HSPG2: variants seen among roughly 807,000 people sequenced by gnomAD.
HSPG2 encodes heparan sulfate proteoglycan 2.
A neutral mutation model predicts 526.6 loss-of-function variants in HSPG2; 278 were observed. The observed-to-expected ratio is 0.53, with a 90% CI of 0.48 to 0.58. The LOEUF (loss-of-function observed/expected upper bound fraction) is 0.58, where lower values mean the gene tolerates loss of function less well. HSPG2 is among the 20% of genes least tolerant of loss of function. HSPG2 has a pLI of 0.00. For missense variants in HSPG2, 5,354 were observed against 6,099.5 expected (o/e 0.88, Z 4.07); for synonymous variants, 2,465 against 2,555.4 (o/e 0.96, Z 1.07).
rs556035566 is a variant in HSPG2 at position 21,843,379 on chromosome 1, C to A, written c.8676G>T (p.Ser2892=). ...QVSPADSGEY[S]CQVTGSSGTL... ...TGCCTGAGCTTCCGGTCACTTGGCACGAGTACTCGCCAGAGTCAGCCGGGG... is the reference window on the plus strand; with the variant it reads ...TGCCTGAGCTTCCGGTCACTTGGCAAGAGTACTCGCCAGAGTCAGCCGGGG... The change falls in exon 66 of 97, where the codon TCG becomes TCT. Residue 2892 remains serine (S), a synonymous_variant. Coordinates refer to ENST00000374695, the MANE Select transcript of HSPG2 (RefSeq NM_005529.7). 2 of 1,613,880 alleles carry A rather than the reference C, an allele frequency of 1.2e-6. No individual in the cohort carries two copies. The highest frequency in any genetic ancestry group is 2.7e-5 in the African/African-American group (2 of 74,922).
At position 21,890,614 on chromosome 1, in the gene HSPG2, G is replaced by T. The variant is rs759478340; in HGVS notation, c.325C>A (p.Arg109=). 2 of 1,613,710 alleles carry T rather than the reference G, an allele frequency of 1.2e-6. No homozygotes were observed. Among genetic ancestry groups the T allele is most frequent in the Admixed American group, 1.7e-5 (1 of 60,010 alleles). The part of the protein sequence containing the change: ...QLEDAGSREF[R]EVSEAVVDTL... ...TCTACCACAGCCTCGGACACCTCTC[G>T]GAACTCTCTGGAGCCTGCATCCTCC... is the stretch of plus-strand genomic sequence containing the variant. Residue 109 remains arginine, a synonymous_variant, in exon 4 of 97, where the codon CGA becomes AGA. Coordinates refer to ENST00000374695, the MANE Select transcript of HSPG2 (RefSeq NM_005529.7). The surrounding 1 kb of genome is among the most constrained non-coding windows in gnomAD (Gnocchi z 4.1).
At chr1:21,867,613 C>T (rs980658794) in intron 33 of HSPG2, among the ~76,000 whole-genome samples, 8 of 152,170 alleles carry the variant, frequency 5.3e-5, no homozygotes, top group African/African-American at 1.9e-4. Flanking sequence ...ATGCATATCA[C>T]GCTTGATAAC....
In HSPG2 at chr1:21,860,238, G is replaced by A. The variant is rs1639684536; in HGVS notation, c.4956-3C>T. On this transcript the variant is annotated splice_polypyrimidine_tract_variant and splice_region_variant and intron_variant, in intron 39 of 96. Transcript: ENST00000374695. ...TACCCACGTAACCTGGGCCACACCT[G>A]TAAGGGGGAACAAGGGCCGGCAATG... 6.2e-7 allele frequency: 1 copy of A among 1,613,056 alleles called. No individual in the cohort carries two copies. Among genetic ancestry groups the A allele is most frequent in the Non-Finnish European group, 8.5e-7 (1 of 1,179,678 alleles).
rs17459139 is a variant in HSPG2 at position 21,833,618 on chromosome 1, C to T, written c.10831-4G>A. ...CAGGTGGCAGGCTGCCATCCAGCTG[C>T]AAATGCACTAGCACTGAGGGCCCTG... On this transcript the variant is annotated splice_region_variant and splice_polypyrimidine_tract_variant and intron_variant, in intron 78 of 96. Transcript: ENST00000374695. 281,518 of 1,613,930 alleles carry T rather than the reference C, an allele frequency of 0.17. 26,102 individuals are homozygous for T. Among genetic ancestry groups the T allele is most frequent in the South Asian group, 0.27 (24,322 of 91,080 alleles).
intron 1 of HSPG2, among the ~76,000 whole-genome samples, chr1:21,926,502 C>T (rs1644195363): frequency 6.6e-6 from 1 of 152,106 alleles, no homozygotes; most frequent in African/African-American, 2.4e-5. Context: ...CCTGCAATCC[C>T]AGCACTTTGG....
At chr1:21,827,315 G>A (rs952430830) in intron 91 of HSPG2, among the ~76,000 whole-genome samples, 3 of 152,236 alleles carry the variant, frequency 2.0e-5, no homozygotes, top group Admixed American at 6.5e-5. Flanking sequence ...GAGGTTAAGC[G>A]ACTCACCCAA....
Position 21,831,779 on chromosome 1 carries a change from C to G in HSPG2, c.11225G>C (p.Gly3742Ala). Residue 3742 changes from glycine to alanine, a missense_variant, in exon 82 of 97, where the codon GGC becomes GCC. Gly to Ala is a moderately conservative substitution (Grantham distance 60). Coordinates refer to ENST00000374695, the MANE Select transcript of HSPG2 (RefSeq NM_005529.7). ...TGTGGGATGGCGGATGGTGGCCATG[C>G]CTGAGCCTGCATCGAACCTGCTCCG... The part of the protein sequence containing the change: ...RPEFRFDAGS[G>A]MATIRHPTPL... 6.2e-7 allele frequency: 1 copy of G among 1,601,926 alleles called. No individual in the cohort carries two copies. The highest frequency in any genetic ancestry group is 8.5e-7 in the Non-Finnish European group (1 of 1,171,850).
chr1:21,864,276 C>T lies in HSPG2; in HGVS notation c.4627-63G>A. The T allele has an allele frequency of 7.5e-7, 1 of 1,324,734 alleles. No individual in the cohort carries two copies. Among genetic ancestry groups the T allele is most frequent in the Non-Finnish European group, 1.1e-6 (1 of 941,770 alleles). The allele number at this position is 1,324,734 out of a possible 1,614,324, so 82.1% of individuals were successfully genotyped here. A position where few individuals can be genotyped will look rare whatever the true frequency, so the allele number is the denominator to read the frequency against. ...GTGCCCCACCCACAGCCAGCAGACC[C>T]AGAACCCCTCCCTCCAGTGTCCTCC... On this transcript the variant is annotated intron_variant, in intron 36 of 96. Coordinates refer to ENST00000374695, the MANE Select transcript of HSPG2 (RefSeq NM_005529.7). This position sits in a 1 kb window ranked among gnomAD's most constrained non-coding sequence, Gnocchi z 4.8.
rs370281677 is a variant in HSPG2 at position 21,852,814 on chromosome 1, G to A, written c.6610C>T (p.Arg2204Trp). 73 of 1,612,392 alleles carry A rather than the reference G, an allele frequency of 4.5e-5. No individual in the cohort carries two copies. In the Middle Eastern group the frequency reaches 5.1e-4, roughly 11 times the overall value. The change falls in exon 52 of 97, where the codon CGG (arginine) becomes TGG (tryptophan). Residue 2204 changes from arginine (R) to tryptophan (W), a missense_variant. By Grantham distance (101) the Arg-to-Trp change is moderately radical. Transcript: ENST00000374695. ...ARHQTHGSLLRLHQVTPADSG... is the reference protein window; with the variant it reads ...ARHQTHGSLLWLHQVTPADSG... ...TCGGCCGGGGTCACCTGGTGCAGCC[G>A]CAGCAGCGAGCCGTGGGTCTGTGTG...
At chr1:21,878,873 G>T in intron 18 of HSPG2, 121 bp downstream of exon 18, 1 of 1,340,222 alleles carries the variant, frequency 7.5e-7, no homozygotes, top group Non-Finnish European at 1.0e-6. Context: ...CAGGAGCATG[G>T]GATAACTTAG....
At chr1:21,881,713 C>T (rs113418769) in intron 13 of HSPG2, among the ~76,000 whole-genome samples, 11 of 151,990 alleles carry the variant, frequency 7.2e-5, no homozygotes, top group African/African-American at 2.2e-4. Flanking sequence ...GAGGCTGAGG[C>T]GGGCAGATCA....
rs747840601 is a variant in HSPG2 at position 21,865,331 on chromosome 1, G to A, written c.4349C>T (p.Ala1450Val). The change falls in exon 35 of 97, where the codon GCG becomes GTG. Residue 1450 changes from alanine to valine, a missense_variant. Ala to Val is a moderately conservative substitution (Grantham distance 64). Coordinates refer to ENST00000374695, the MANE Select transcript of HSPG2 (RefSeq NM_005529.7). This position sits in a 1 kb window ranked among gnomAD's most constrained non-coding sequence, Gnocchi z 5.4. ...GCTCCTCCTCTCAGGGCCCTGCAGC[G>A]CTGGCTGGGAGGCCACTAGCATGAT... ...NNIMLVASQP[A>V]LQGPERRSYE... 3.7e-6 allele frequency: 6 copies of A among 1,614,110 alleles called. No homozygotes were observed. The highest frequency in any genetic ancestry group is 1.7e-4 in the Middle Eastern group (1 of 6,058).
intron 90 of HSPG2, 48 bp downstream of exon 90, chr1:21,827,982 C>T (rs373683683): frequency 1.8e-5 from 29 of 1,612,192 alleles, no homozygotes; most frequent in East Asian, 1.6e-4. Flanking sequence ...TGTCGAGCTC[C>T]GGGGCCCCAA....
chr1:21,885,344 C>T lies in HSPG2; in HGVS notation c.1186G>A (p.Asp396Asn). ...FHCDEESDCP[D>N]RSDEFGCMPP... ...CTGCAGCCAAACTCGTCGCTCCGGT[C>T]AGGACAGTCGCTCTCCTCGTCACAG... is the stretch of plus-strand genomic sequence containing the variant. The change falls in exon 10 of 97, where the codon GAC becomes AAC. Residue 396 changes from aspartate (D) to asparagine (N), a missense_variant. Asp to Asn is a conservative substitution (Grantham distance 23). Coordinates refer to ENST00000374695, the MANE Select transcript of HSPG2 (RefSeq NM_005529.7). The T allele has an allele frequency of 6.2e-7, 1 of 1,614,006 alleles. No homozygotes were observed. The highest frequency in any genetic ancestry group is 8.5e-7 in the Non-Finnish European group (1 of 1,179,958).
chr1:21,921,332 A>G (rs1238728172), intron 1 of HSPG2, among the ~76,000 whole-genome samples: 1 of 152,090 alleles, frequency 6.6e-6, no homozygotes, highest in Non-Finnish European at 1.5e-5. Context: ...CTGTGCTAGA[A>G]GCGGCTTCCT....
chr1:21,850,257 T>C, intron 56 of HSPG2, 65 bp from the exon 57 acceptor site: 1 of 1,612,204 alleles, frequency 6.2e-7, no homozygotes, highest in Middle Eastern at 1.7e-4. Flanking sequence ...GCTCCTGGTC[T>C]CAAGGCAGGT....
At chr1:21,831,377 CCT>C in intron 83 of HSPG2, 53 bp from the exon 84 acceptor site, 2 of 1,602,772 alleles carry the variant, frequency 1.2e-6, no homozygotes, top group Non-Finnish European at 1.7e-6. Context: ...CAGCCCATAC[CCT>C]GAGGTGCCCT....
intron 1 of HSPG2, among the ~76,000 whole-genome samples, chr1:21,914,602 G>T (rs889206599): frequency 3.9e-5 from 6 of 152,186 alleles, no homozygotes; most frequent in Admixed American, 3.9e-4. Context: ...AGGTGTCTGA[G>T]TCCAAGCTCT....
chr1:21,910,134 C>A (rs1643584760), intron 1 of HSPG2, among the ~76,000 whole-genome samples: 1 of 152,266 alleles, frequency 6.6e-6, no homozygotes, highest in South Asian at 2.1e-4. Flanking sequence ...CAGGATCCTC[C>A]ATGGCGATGT....
Sources: gnomAD v4.1 joint callset for allele counts (sites outside exome capture counted in the v4.1 genomes callset) on GRCh38, gnomAD v4.1.1 for gene constraint, Gnocchi (gnomAD v3.1) non-coding constraint, MANE v1.5 for transcripts, NCBI Gene and HGNC (gene_info 2026-07-23, HGNC 2026-07-21) for gene names.